SGCD: variants seen among roughly 807,000 people sequenced by gnomAD.
SGCD encodes delta-sarcoglycan.
SGCD carries 18 observed loss-of-function variants against 36.6 expected under a neutral mutation model. The ratio of observed to expected loss-of-function variants is 0.49; its 90% CI spans 0.34 to 0.73. The LOEUF is 0.73. Among genes scored for constraint, SGCD ranks in the 30% least tolerant of loss-of-function variants. SGCD has a pLI of 0.01. For missense variants in SGCD, 387 were observed against 346.7 expected, an observed-to-expected ratio of 1.12 and a Z score of -0.92; for synonymous variants, 133 against 130.6, an observed-to-expected ratio of 1.02 and a Z score of -0.12.
At chr5:156,582,977 C>T (rs1760343968) in intron 4 of SGCD, among the ~76,000 whole-genome samples, 1 of 152,160 alleles carries the variant, frequency 6.6e-6, no homozygotes, top group South Asian at 2.1e-4. Flanking sequence ...ATATGTCTAC[C>T]CTCTTATAGG....
chr5:156,357,969 T>C (rs1159889232), intron 3 of SGCD, among the ~76,000 whole-genome samples: 1 of 152,196 alleles, frequency 6.6e-6, no homozygotes, highest in Non-Finnish European at 1.5e-5. Flanking sequence ...TGAGCCAGTA[T>C]TCATGAGGTA....
intron 6 of SGCD, among the ~76,000 whole-genome samples, chr5:156,635,633 G>C (rs1474785919): frequency 1.3e-5 from 2 of 152,066 alleles, no homozygotes; most frequent in East Asian, 1.9e-4. Flanking sequence ...TTGGAACCAA[G>C]CCAAATGTCC....
chr5:156,562,978 A>G (rs1759329100), intron 4 of SGCD, among the ~76,000 whole-genome samples: 1 of 151,598 alleles, frequency 6.6e-6, no homozygotes, highest in Non-Finnish European at 1.5e-5. Context: ...ATAGATTGTT[A>G]TTATTATTAT....
intron 1 of SGCD, among the ~76,000 whole-genome samples, chr5:156,073,891 G>C (rs910384928): frequency 6.6e-6 from 1 of 152,184 alleles, no homozygotes; most frequent in Non-Finnish European, 1.5e-5. Flanking sequence ...GGCTTGACAG[G>C]TCTGAAACCT....
chr5:156,501,402 G>C (rs933932862), intron 3 of SGCD, among the ~76,000 whole-genome samples: 1 of 152,232 alleles, frequency 6.6e-6, no homozygotes, highest in Non-Finnish European at 1.5e-5. Context: ...AAGGAGACAA[G>C]AGGAAGAAAA....
intron 1 of SGCD, among the ~76,000 whole-genome samples, chr5:156,107,356 A>G (rs1287499107): frequency 2.0e-5 from 3 of 152,150 alleles, no homozygotes; most frequent in African/African-American, 7.2e-5. Flanking sequence ...CTTTACATAA[A>G]TTGCAGAAGG....
upstream of SGCD, among the ~76,000 whole-genome samples, chr5:156,323,128 G>C (rs1767716005): frequency 6.6e-6 from 1 of 152,152 alleles, no homozygotes; most frequent in African/African-American, 2.4e-5. Flanking sequence ...ACTAGCACCT[G>C]TCATAGAGTG....
the SGCD span, among the ~76,000 whole-genome samples, chr5:155,728,789 C>G: frequency 6.6e-6 from 1 of 152,166 alleles, no homozygotes; most frequent in Non-Finnish European, 1.5e-5. Flanking sequence ...TGCGCCAGAC[C>G]TGGGAGCGAT....
intron 3 of SGCD, among the ~76,000 whole-genome samples, chr5:156,369,335 A>G (rs971042806): frequency 2.6e-5 from 4 of 152,200 alleles, no homozygotes; most frequent in African/African-American, 9.6e-5. Context: ...TTAGGAGTCA[A>G]GACATCCCAC....
At chr5:155,875,168 G>A (rs536459461) in intron 1 of SGCD, among the ~76,000 whole-genome samples, 4 of 152,106 alleles carry the variant, frequency 2.6e-5, no homozygotes, top group Admixed American at 6.6e-5. Context: ...AATACGTATT[G>A]TATAAGCCCA....
At chr5:156,297,398 T>A (rs1304230092) in intron 3 of SGCD, among the ~76,000 whole-genome samples, 2 of 151,976 alleles carry the variant, frequency 1.3e-5, no homozygotes, top group African/African-American at 4.8e-5. Flanking sequence ...CAAATGTCCA[T>A]CTATGATAGA....
chr5:155,974,702 A>C (rs1005709235), intron 1 of SGCD, among the ~76,000 whole-genome samples: 1 of 152,010 alleles, frequency 6.6e-6, no homozygotes, highest in Non-Finnish European at 1.5e-5. Context: ...TGGAGGCTTT[A>C]GAGCAGATTA....
intron 3 of SGCD, among the ~76,000 whole-genome samples, chr5:156,195,682 C>T (rs1052938427): frequency 3.9e-5 from 6 of 152,112 alleles, no homozygotes; most frequent in Admixed American, 2.0e-4. Flanking sequence ...CCTGCTCTTC[C>T]GTACCTTGCT....
the SGCD span, among the ~76,000 whole-genome samples, chr5:155,797,116 A>G: frequency 6.6e-6 from 1 of 152,186 alleles, no homozygotes; most frequent in African/African-American, 2.4e-5. Context: ...TTTGAAAATG[A>G]AAACTGAAAA....
At chr5:156,696,915 AACACACACACACAC>A (rs57963416) in intron 7 of SGCD, among the ~76,000 whole-genome samples, 10,583 of 144,756 alleles carry the variant, frequency 0.073, 1,143 homozygotes, top group African/African-American at 0.24. Flanking sequence ...CCTTACACAC[AACACACACACACAC>A]ACACACACAC....
At chr5:155,778,180 A>G in the SGCD span, among the ~76,000 whole-genome samples, 1 of 152,190 alleles carries the variant, frequency 6.6e-6, no homozygotes, top group African/African-American at 2.4e-5. Context: ...GCATTCTAGG[A>G]TAATGCACAT....
At chr5:156,557,398 A>G (rs1241599941) in intron 4 of SGCD, among the ~76,000 whole-genome samples, 1 of 152,178 alleles carries the variant, frequency 6.6e-6, no homozygotes, top group Non-Finnish European at 1.5e-5. Flanking sequence ...GTGGTTATTC[A>G]TGAATTTGGG....
chr5:156,581,662 G>T (rs1044871126), intron 4 of SGCD, among the ~76,000 whole-genome samples: 2 of 152,152 alleles, frequency 1.3e-5, no homozygotes, highest in Non-Finnish European at 2.9e-5. Context: ...CTGCTGCCTC[G>T]CAGGTTGATC....
chr5:156,527,660 T>G (rs997591847), intron 4 of SGCD, among the ~76,000 whole-genome samples: 2 of 152,198 alleles, frequency 1.3e-5, no homozygotes, highest in Non-Finnish European at 2.9e-5. Context: ...ATATAATCAA[T>G]GGTTTTCTGT....
Sources: gnomAD v4.1 joint callset for allele counts (sites outside exome capture counted in the v4.1 genomes callset) on GRCh38, gnomAD v4.1.1 for gene constraint, MANE v1.5 for transcripts, NCBI Gene and HGNC (gene_info 2026-07-23, HGNC 2026-07-21) for gene names.